Variants in TBC1D9 observed in about 807,000 individuals in gnomAD.
The protein encoded by TBC1D9 is TBC1 domain family member 9.
A neutral mutation model predicts 132.0 loss-of-function variants in TBC1D9; 63 were observed. The observed-to-expected ratio is 0.48, with a 90% CI of 0.39 to 0.59. TBC1D9 has a LOEUF of 0.59. Among genes scored for constraint, TBC1D9 ranks in the 20% least tolerant of loss-of-function variants. The pLI, the probability that TBC1D9 is intolerant of heterozygous loss-of-function variation, is 0.00. For synonymous variants in TBC1D9, 610 were observed against 609.9 expected, an observed-to-expected ratio of 1.00 and a Z score of 0.00; for missense variants, 1,261 against 1,592.7, an observed-to-expected ratio of 0.79 and a Z score of 3.54.
intron 5 of TBC1D9, among the ~76,000 whole-genome samples, chr4:140,677,406 C>T (rs556157026): frequency 1.3e-5 from 2 of 152,272 alleles, no homozygotes; most frequent in African/African-American, 2.4e-5. Context: ...AAATGCAATA[C>T]ACTCTAAAGA....
At chr4:140,735,822 T>A (rs1388461547) in intron 1 of TBC1D9, among the ~76,000 whole-genome samples, 1 of 152,210 alleles carries the variant, frequency 6.6e-6, no homozygotes, top group Non-Finnish European at 1.5e-5. Flanking sequence ...GCACAGTCCC[T>A]GTGACAAACT....
In TBC1D9 at chr4:140,686,459, C is replaced by G; in HGVS notation, c.245G>C (p.Gly82Ala). 1.3e-6 allele frequency: 2 copies of G among 1,570,344 alleles called. No individual in the cohort carries two copies. The highest frequency in any genetic ancestry group is 1.8e-5 in the Admixed American group (1 of 57,030). The change falls in exon 3 of 21, where the codon GGT (glycine) becomes GCT (alanine). Residue 82 changes from glycine to alanine, a missense_variant. Transcript: ENST00000442267. ...GTGTTCAGTGATTTCTTTCCTGGAA[C>G]CACCTGTACAAATGAAAATAATAAT... is the stretch of plus-strand genomic sequence containing the variant. ...SLVYWTIACG[G>A]SRKEITEHWE...
At chr4:140,643,177 G>C in intron 13 of TBC1D9, 1 of 1,436,250 alleles carries the variant, frequency 7.0e-7, no homozygotes. Context: ...GCTGCCAGCA[G>C]GCTCTCCAGT....
At chr4:140,679,926 G>A in intron 3 of TBC1D9, 83 bp from the exon 4 acceptor site, 10 of 1,238,954 alleles carry the variant, frequency 8.1e-6, no homozygotes, top group Non-Finnish European at 1.1e-5. Context: ...AAATTTCTAA[G>A]GCTAGAATTA....
intron 9 of TBC1D9, among the ~76,000 whole-genome samples, chr4:140,665,110 A>G (rs932839551): frequency 6.4e-5 from 8 of 125,490 alleles, no homozygotes; most frequent in Non-Finnish European, 1.1e-4. Flanking sequence ...CAGTCTCCAG[A>G]AAAAAAAAAA....
chr4:140,624,430 T>A (rs897531977), intron 18 of TBC1D9, 42 bp from the exon 19 acceptor site: 1 of 1,549,866 alleles, frequency 6.5e-7, no homozygotes, highest in South Asian at 1.2e-5. Flanking sequence ...GAATGTTATA[T>A]AATATGACCA....
chr4:140,643,640 C>T, intron 13 of TBC1D9: 2 of 1,039,580 alleles, frequency 1.9e-6, no homozygotes, highest in South Asian at 1.6e-5. Context: ...CCACAGGCAC[C>T]TCCACTGGCT....
intron 9 of TBC1D9, 118 bp downstream of exon 9, chr4:140,668,799 T>C (rs986606939): frequency 5.7e-6 from 6 of 1,054,096 alleles, no homozygotes; most frequent in Non-Finnish European, 8.1e-6. Context: ...ATGATGTAGC[T>C]TTCAACTGGG....
chr4:140,691,135 G>T (rs1737873134), intron 2 of TBC1D9, among the ~76,000 whole-genome samples: 1 of 152,110 alleles, frequency 6.6e-6, no homozygotes, highest in Non-Finnish European at 1.5e-5. Flanking sequence ...TACGAGCCAG[G>T]ACTGAATTCA....
At chr4:140,718,820 C>G (rs954300411) in intron 1 of TBC1D9, among the ~76,000 whole-genome samples, 1 of 151,978 alleles carries the variant, frequency 6.6e-6, no homozygotes, top group Non-Finnish European at 1.5e-5. Flanking sequence ...GGCTCACACC[C>G]GTAATCCCAG....
At chr4:140,716,747 T>A (rs1738339673) in intron 1 of TBC1D9, among the ~76,000 whole-genome samples, 1 of 151,982 alleles carries the variant, frequency 6.6e-6, no homozygotes, top group South Asian at 2.1e-4. Flanking sequence ...TATTATTGAT[T>A]AGTGAATGGG....
chr4:140,721,578 G>C (rs542987543), intron 1 of TBC1D9, among the ~76,000 whole-genome samples: 1 of 152,204 alleles, frequency 6.6e-6, no homozygotes, highest in East Asian at 1.9e-4. Flanking sequence ...ATACAAAGAG[G>C]AATAATTGGA....
Position 140,725,748 on chromosome 4 carries a change from A to T in TBC1D9, c.131-24134T>A, listed in dbSNP as rs1252152240. Among the ~76,000 whole-genome samples the T allele has an allele frequency of 2.0e-5, 3 of 152,070 alleles. No individual in the cohort carries two copies. In the East Asian group the frequency reaches 5.8e-4, roughly 29 times the overall value. On this transcript the variant is annotated intron_variant, in intron 1 of 20. Coordinates refer to ENST00000442267, the MANE Select transcript of TBC1D9 (RefSeq NM_015130.3). ...GTTGGGCACGGCAATTGTTCACTGA[A>T]AAAAGCACGGTATGGAAAAACCTTT... is the stretch of plus-strand genomic sequence containing the variant.
chr4:140,728,779 C>T (rs910284375), intron 1 of TBC1D9, among the ~76,000 whole-genome samples: 1 of 152,216 alleles, frequency 6.6e-6, no homozygotes, highest in African/African-American at 2.4e-5. Flanking sequence ...CCCCCTTCCT[C>T]AGCCTCTCAA....
rs1189799546 is a variant in TBC1D9, at chr4:140,620,942, G to GA, written c.*1252dup. The GA allele has an allele frequency of 6.6e-6, 1 of 152,534 alleles. No homozygotes were observed. Among genetic ancestry groups the GA allele is most frequent in the African/African-American group, 2.4e-5 (1 of 41,430 alleles). The allele number at this position is 152,534 out of a possible 1,614,324, so 9.4% of individuals were successfully genotyped here. On this transcript the variant is annotated 3_prime_UTR_variant, in exon 21 of 21. Transcript: ENST00000442267. ...GTATAATAAAATAAAGGAATGTGTTGAAAGAAATATTCCAAAGAAGCAAAG... is the reference window on the plus strand; with the variant it reads ...GTATAATAAAATAAAGGAATGTGTTGAAAAGAAATATTCCAAAGAAGCAAAG...
At position 140,713,759 on chromosome 4, in the gene TBC1D9, A is replaced by AC. The variant is rs1553972457; in HGVS notation, c.131-12146_131-12145insG. ...TCTCTGAAAAAGAATTAAAAAAAAA[A>AC]AACTATATTTTTTAAAGTAATTTCT... is the stretch of plus-strand genomic sequence containing the variant. On this transcript the variant is annotated intron_variant, in intron 1 of 20. Transcript: ENST00000442267. Among the ~76,000 whole-genome samples the AC allele has an allele frequency of 6.3e-3, 958 of 151,210 alleles. 14 individuals carry two copies. The highest frequency in any genetic ancestry group is 0.022 in the African/African-American group (904 of 41,226).
At chr4:140,687,556 TC>T (rs1251736677) in intron 2 of TBC1D9, among the ~76,000 whole-genome samples, 1 of 151,510 alleles carries the variant, frequency 6.6e-6, no homozygotes, top group Non-Finnish European at 1.5e-5. Context: ...GATCTCAGAA[TC>T]TCTGATTCTT....
chr4:140,710,452 G>T (rs1738225315), intron 1 of TBC1D9, among the ~76,000 whole-genome samples: 1 of 152,152 alleles, frequency 6.6e-6, no homozygotes, highest in Non-Finnish European at 1.5e-5. Flanking sequence ...CAAAGTAAAT[G>T]CTCAACAAGA....
intron 10 of TBC1D9, among the ~76,000 whole-genome samples, chr4:140,661,063 T>C (rs10030058): frequency 0.62 from 93,468 of 151,866 alleles, 29,196 homozygotes; most frequent in South Asian, 0.7. Flanking sequence ...TACAGGCACC[T>C]GCCACCACGC....
Sources: gnomAD v4.1 joint callset for allele counts (sites outside exome capture counted in the v4.1 genomes callset) on GRCh38, gnomAD v4.1.1 for gene constraint, MANE v1.5 for transcripts, NCBI Gene and HGNC (gene_info 2026-07-23, HGNC 2026-07-21) for gene names.